Variants in SGCD observed in about 807,000 individuals in gnomAD.
The protein encoded by SGCD is sarcoglycan delta, also known as delta-sarcoglycan.
SGCD carries 18 observed loss-of-function variants against 36.6 expected under a neutral mutation model. That is an observed-to-expected ratio of 0.49 (90% CI 0.34 to 0.73). The LOEUF (loss-of-function observed/expected upper bound fraction) is 0.73, where lower values mean the gene tolerates loss of function less well. SGCD is among the 30% of genes least tolerant of loss of function. The probability of loss-of-function intolerance (pLI) is 0.01; values close to 1 mark genes in which losing one functional copy is unlikely to be tolerated. For synonymous variants in SGCD, 133 were observed against 130.6 expected, an observed-to-expected ratio of 1.02 and a Z score of -0.12; for missense variants, 387 against 346.7, an observed-to-expected ratio of 1.12 and a Z score of -0.92.
intron 1 of SGCD, among the ~76,000 whole-genome samples, chr5:155,947,373 G>T (rs1757461008): frequency 6.7e-6 from 1 of 148,272 alleles, no homozygotes. Flanking sequence ...TTAAGATCTT[G>T]GAAATTGCAT....
At chr5:156,343,164 G>C (rs936242272) in intron 2 of SGCD, among the ~76,000 whole-genome samples, 1 of 152,036 alleles carries the variant, frequency 6.6e-6, no homozygotes, top group Non-Finnish European at 1.5e-5. Context: ...AATAACCAAG[G>C]ATGTGATTTT....
chr5:155,906,245 G>A (rs575850370), intron 1 of SGCD, among the ~76,000 whole-genome samples: 5 of 152,170 alleles, frequency 3.3e-5, no homozygotes, highest in Admixed American at 6.6e-5. Flanking sequence ...CCTGCAGGCC[G>A]TTTCCCCTCT....
At position 156,763,234 on chromosome 5, in the gene SGCD, T is replaced by C. The variant is rs1474401788; in HGVS notation, c.*3844T>C. 1 of 152,618 alleles carries C rather than the reference T, an allele frequency of 6.6e-6. No individual in the cohort carries two copies. Among genetic ancestry groups the C allele is most frequent in the Non-Finnish European group, 1.5e-5 (1 of 68,048 alleles). 9.5% of individuals were successfully genotyped at this position (152,618 alleles called of 1,614,324 possible). On this transcript the variant is annotated 3_prime_UTR_variant, in exon 9 of 9. Transcript: ENST00000337851. ...AGGCTCTTTCTGCTGTCTATATTCA[T>C]TAAAGTTTTCCACTTCACCCTCCCA...
intron 3 of SGCD, chr5:156,458,468 A>T: frequency 1.2e-6 from 2 of 1,606,384 alleles, no homozygotes; most frequent in Non-Finnish European, 1.7e-6. Flanking sequence ...ATGGCAGCTC[A>T]TCCCCAACAC....
At chr5:155,751,571 T>C in the SGCD span, among the ~76,000 whole-genome samples, 3 of 151,956 alleles carry the variant, frequency 2.0e-5, no homozygotes, top group Admixed American at 6.6e-5. Flanking sequence ...ATATTTTTGG[T>C]AGAGATGGGG....
chr5:156,575,661 A>T (rs536722504), intron 4 of SGCD, among the ~76,000 whole-genome samples: 1 of 152,216 alleles, frequency 6.6e-6, no homozygotes, highest in Non-Finnish European at 1.5e-5. Flanking sequence ...TAAAGAGATA[A>T]ACCATAGATA....
At chr5:156,743,858 T>A (rs562264961) in intron 7 of SGCD, among the ~76,000 whole-genome samples, 43 of 152,348 alleles carry the variant, frequency 2.8e-4, no homozygotes, top group African/African-American at 9.9e-4. Flanking sequence ...AGTTTCAAAG[T>A]GACCCTTATT....
rs111363545 is a variant in SGCD at position 156,464,603 on chromosome 5, A to G, written c.193-43998A>G. On this transcript the variant is annotated intron_variant, in intron 3 of 8. Transcript: ENST00000337851. Reference sequence around the variant, plus strand: ...CAGAAATATAGGGAACTGTTTCTTCATAGTGTTCTTAGAGACCCTTGTTGA... The same window carrying G: ...CAGAAATATAGGGAACTGTTTCTTCGTAGTGTTCTTAGAGACCCTTGTTGA... Among the ~76,000 whole-genome samples, 586 of 152,278 alleles carry G rather than the reference A, an allele frequency of 3.8e-3. 5 individuals are homozygous for G. Among genetic ancestry groups the G allele is most frequent in the Non-Finnish European group, 6.2e-3 (420 of 68,010 alleles).
chr5:156,126,768 C>G (rs1762181740), intron 3 of SGCD, among the ~76,000 whole-genome samples: 1 of 152,172 alleles, frequency 6.6e-6, no homozygotes, highest in South Asian at 2.1e-4. Flanking sequence ...TCCAATAAAG[C>G]TCCTGTATGA....
At chr5:156,726,387 C>T (rs571425745) in intron 7 of SGCD, among the ~76,000 whole-genome samples, 13 of 152,292 alleles carry the variant, frequency 8.5e-5, no homozygotes, top group Admixed American at 2.6e-4. Flanking sequence ...CATCCCTCTG[C>T]GCATTAACCT....
intron 1 of SGCD, among the ~76,000 whole-genome samples, chr5:155,972,269 A>T (rs1210361573): frequency 6.6e-6 from 1 of 152,186 alleles, no homozygotes; most frequent in Non-Finnish European, 1.5e-5. Flanking sequence ...ACTTCAAAAG[A>T]CAAGCAGCAT....
At chr5:156,374,959 C>CT (rs144249075) in intron 3 of SGCD, among the ~76,000 whole-genome samples, 5,196 of 152,232 alleles carry the variant, frequency 0.034, 232 homozygotes, top group African/African-American at 0.096. Flanking sequence ...ATCAAACCTA[C>CT]TTACTATAGA....
the SGCD span, among the ~76,000 whole-genome samples, chr5:155,745,639 G>T: frequency 6.6e-6 from 1 of 151,666 alleles, no homozygotes; most frequent in Admixed American, 6.6e-5. Context: ...GGATTAAGAA[G>T]TTGTGAGTAG....
At chr5:156,229,277 C>CACACATATATATATATATATATATATAT (rs1554085595) in intron 3 of SGCD, among the ~76,000 whole-genome samples, 1 of 56,502 alleles carries the variant, frequency 1.8e-5, no homozygotes, top group East Asian at 3.0e-4. Context: ...TATATACATA[C>CACACATATATATATATATATATATATAT]ATATATATAT....
chr5:156,388,413 T>C (rs138873319), intron 3 of SGCD, among the ~76,000 whole-genome samples: 53 of 152,310 alleles, frequency 3.5e-4, no homozygotes, highest in African/African-American at 1.2e-3. Context: ...TTGGCATATC[T>C]AGTGTTCTGA....
intron 6 of SGCD, among the ~76,000 whole-genome samples, chr5:156,617,297 C>T (rs1434943580): frequency 2.0e-5 from 3 of 151,996 alleles, no homozygotes; most frequent in Admixed American, 6.6e-5. Context: ...GTAATACATT[C>T]GTTAAAGATT....
At chr5:156,426,256 C>T (rs1159614037) in intron 3 of SGCD, among the ~76,000 whole-genome samples, 1 of 151,918 alleles carries the variant, frequency 6.6e-6, no homozygotes, top group Non-Finnish European at 1.5e-5. Flanking sequence ...GGTCTTACCA[C>T]CTTACTCCTC....
At chr5:156,201,111 T>A (rs1405614299) in intron 3 of SGCD, among the ~76,000 whole-genome samples, 1 of 152,144 alleles carries the variant, frequency 6.6e-6, no homozygotes, top group Non-Finnish European at 1.5e-5. Flanking sequence ...GAATTATTGA[T>A]TGATGGGCGT....
chr5:156,206,150 C>T (rs1033811501), intron 3 of SGCD, among the ~76,000 whole-genome samples: 2 of 151,416 alleles, frequency 1.3e-5, no homozygotes, highest in Non-Finnish European at 2.9e-5. Flanking sequence ...TGTTTTTACC[C>T]AATGGTATAT....
Sources: gnomAD v4.1 joint callset for allele counts (sites outside exome capture counted in the v4.1 genomes callset) on GRCh38, gnomAD v4.1.1 for gene constraint, MANE v1.5 for transcripts, NCBI Gene and HGNC (gene_info 2026-07-23, HGNC 2026-07-21) for gene names.